The following ZNF688 variants were observed in gnomAD, a reference collection of about 807,000 sequenced individuals.
ZNF688 encodes zinc finger protein 688.
Under a neutral mutation model 13.2 loss-of-function variants are expected in ZNF688, and 10 were observed. The observed-to-expected ratio is 0.76, with a 90% CI of 0.47 to 1.28. The LOEUF (loss-of-function observed/expected upper bound fraction) is 1.28, where lower values mean the gene tolerates loss of function less well. Ranked by LOEUF, ZNF688 falls within the 50% of genes most tolerant of loss-of-function variation. The pLI is 0.00. For missense variants in ZNF688, 381 were observed against 391.4 expected (o/e 0.97, Z 0.22); for synonymous variants, 160 against 159.4 (o/e 1.00, Z -0.03).
upstream of ZNF688, chr16:30,571,754 C>G (rs1015230436): frequency 5.2e-6 from 7 of 1,333,600 alleles, no homozygotes; most frequent in Non-Finnish European, 6.7e-6. Flanking sequence ...CGAACGCAGC[C>G]GAGGCAACCG....
the ZNF688 span, chr16:30,579,783 A>C: frequency 1.1e-5 from 5 of 456,094 alleles, no homozygotes; most frequent in Middle Eastern, 1.6e-3. Flanking sequence ...AGAAATGCTT[A>C]GTCCCACCTA....
At chr16:30,574,908 C>CT (rs1315892203), upstream of ZNF688, among the ~76,000 whole-genome samples, 43 of 152,308 alleles carry the variant, frequency 2.8e-4, no homozygotes, top group African/African-American at 1.0e-3. Context: ...ATTCTACTCT[C>CT]TACCTCCATG....
chr16:30,576,371 C>G (rs913227778), upstream of ZNF688, among the ~76,000 whole-genome samples: 1 of 152,246 alleles, frequency 6.6e-6, no homozygotes, highest in Admixed American at 6.5e-5. Context: ...GCCACCACGC[C>G]GGCTAATTTT....
upstream of ZNF688, chr16:30,572,182 C>T: frequency 1.9e-6 from 3 of 1,607,312 alleles, no homozygotes; most frequent in Non-Finnish European, 2.5e-6. Flanking sequence ...AGAAGCTGCG[C>T]GGTGATTGGC....
chr16:30,572,884 T>C (rs2051708530), upstream of ZNF688: 1 of 152,126 alleles, frequency 6.6e-6, no homozygotes, highest in African/African-American at 2.4e-5. Flanking sequence ...TTCTACTTTT[T>C]CTTTGAGAAG....
rs201354209 is a variant in ZNF688, at chr16:30,571,082, G to C, written c.238C>G (p.Gln80Glu). The C allele has an allele frequency of 1.2e-6, 2 of 1,603,382 alleles. No homozygotes were observed. Among genetic ancestry groups the C allele is most frequent in the Non-Finnish European group, 1.7e-6 (2 of 1,175,948 alleles). ...GCGGGGCTCCAAGCCTCACTCTCCT[G>C]TTCCATCCAAGAGATGAGGGCTGGT... The part of the protein sequence containing the change: ...PKPALISWME[Q>E]ESEAWSPAAQ... Residue 80 changes from glutamine to glutamate, a missense_variant, in exon 2 of 3, where the codon CAG becomes GAG. By Grantham distance (29) the Gln-to-Glu change is conservative. Transcript: ENST00000223459.
At chr16:30,575,808 C>T (rs1351466307), upstream of ZNF688, among the ~76,000 whole-genome samples, 1 of 152,018 alleles carries the variant, frequency 6.6e-6, no homozygotes, top group Non-Finnish European at 1.5e-5. Context: ...AGGCGCGTGC[C>T]ACCACTCCTG....
Position 30,571,655 on chromosome 16 carries a change from C to T in ZNF688, c.-26G>A, listed in dbSNP as rs1226949063. 4.4e-6 allele frequency: 6 copies of T among 1,370,968 alleles called. No homozygotes were observed. In the African/African-American group the frequency reaches 9.2e-5, roughly 21 times the overall value. 84.9% of individuals were successfully genotyped at this position (1,370,968 alleles called of 1,614,324 possible). A position where few individuals can be genotyped will look rare whatever the true frequency, so the allele number is the denominator to read the frequency against. The stretch of plus-strand genomic sequence containing the variant: ...GGGGCCTCGCAGCCCCGATCGGCGG[C>T]CGCCAGGTCCCTGGAGCCGCCGCCT... On this transcript the variant is annotated 5_prime_UTR_variant, in exon 1 of 3. Transcript: ENST00000223459.
At chr16:30,573,837 T>C, upstream of ZNF688, 1 of 348,282 alleles carries the variant, frequency 2.9e-6, no homozygotes, top group Non-Finnish European at 5.7e-6. Flanking sequence ...ATTAATATGC[T>C]TACATTATTA....
intron 2 of ZNF688, 97 bp downstream of exon 2, chr16:30,570,913 T>C (rs764312264): frequency 7.6e-7 from 1 of 1,308,112 alleles, no homozygotes; most frequent in Non-Finnish European, 1.1e-6. Context: ...CACAGTTGAA[T>C]TTCTTTAGGG....
chr16:30,570,498 G>T, intron 2 of ZNF688, 62 bp from the exon 3 acceptor site: 1 of 1,542,848 alleles, frequency 6.5e-7, no homozygotes, highest in South Asian at 1.2e-5. Context: ...TCAGGTTATA[G>T]AATGCTTTTC....
upstream of ZNF688, among the ~76,000 whole-genome samples, chr16:30,573,228 G>A (rs1013625231): frequency 6.6e-6 from 1 of 152,088 alleles, no homozygotes; most frequent in Non-Finnish European, 1.5e-5. Context: ...ACTTATTTAC[G>A]TTGTTCCAAA....
At position 30,569,760 on chromosome 16, in the gene ZNF688, G is replaced by A. The variant is rs2051641330; in HGVS notation, c.*156C>T. On this transcript the variant is annotated 3_prime_UTR_variant, in exon 3 of 3. Transcript: ENST00000223459. Reference sequence around the variant, plus strand: ...AGTCTAATCTATTCGAATCTTTACAGGCACTTTTCTTTTTACAAGTTGGAA... The same window carrying A: ...AGTCTAATCTATTCGAATCTTTACAAGCACTTTTCTTTTTACAAGTTGGAA... The A allele has an allele frequency of 1.5e-6, 1 of 684,066 alleles. No individual in the cohort carries two copies. Among genetic ancestry groups the A allele is most frequent in the African/African-American group, 2.0e-5 (1 of 50,884 alleles). 42.4% of individuals were successfully genotyped at this position (684,066 alleles called of 1,614,324 possible).
At chr16:30,575,141 C>T (rs987558673), upstream of ZNF688, among the ~76,000 whole-genome samples, 3 of 152,262 alleles carry the variant, frequency 2.0e-5, no homozygotes, top group African/African-American at 7.2e-5. Context: ...CTATTGTAAA[C>T]ACGGCTCTAC....
At chr16:30,572,964 T>G (rs968221591), upstream of ZNF688, among the ~76,000 whole-genome samples, 10 of 152,008 alleles carry the variant, frequency 6.6e-5, no homozygotes. Context: ...TGGAGTGCAA[T>G]GGCGCTATCT....
At chr16:30,571,197 G>A in intron 1 of ZNF688, 74 bp from the exon 2 acceptor site, 1 of 1,525,344 alleles carries the variant, frequency 6.6e-7, no homozygotes, top group South Asian at 1.2e-5. Flanking sequence ...TCCAGGCTGA[G>A]GGCACCCCCT....
upstream of ZNF688, among the ~76,000 whole-genome samples, chr16:30,577,421 C>T (rs2051757457): frequency 6.7e-6 from 1 of 150,004 alleles, no homozygotes; most frequent in East Asian, 2.0e-4. Flanking sequence ...CGCTCTGTCG[C>T]CAGGCTGGAG....
At chr16:30,572,266 A>T, upstream of ZNF688, 1 of 1,536,600 alleles carries the variant, frequency 6.5e-7, no homozygotes. Context: ...CGCAGCGGAG[A>T]CCTCGGCATC....
intron 1 of ZNF688, 153 bp from the exon 2 acceptor site, chr16:30,571,276 C>T (rs2051676550): frequency 1.3e-6 from 2 of 1,537,964 alleles, no homozygotes; most frequent in Middle Eastern, 1.7e-4. Context: ...CGGGTGAAAA[C>T]ACTCCCGAGG....
Sources: gnomAD v4.1 joint callset for allele counts (sites outside exome capture counted in the v4.1 genomes callset) on GRCh38, gnomAD v4.1.1 for gene constraint, MANE v1.5 for transcripts, NCBI Gene and HGNC (gene_info 2026-07-23, HGNC 2026-07-21) for gene names.